Variants in BRD4 observed in about 807,000 individuals in gnomAD.
The protein encoded by BRD4 is bromodomain-containing protein 4.
A neutral mutation model predicts 142.1 loss-of-function variants in BRD4; 16 were observed. That is an observed-to-expected ratio of 0.11 (90% confidence interval 0.08 to 0.17). BRD4 has a LOEUF of 0.17. Among genes scored for constraint, BRD4 ranks in the 10% least tolerant of loss-of-function variants. The pLI is 1.00. For missense variants in BRD4, 1,424 were observed against 1,810.9 expected (o/e 0.79, Z 3.88); for synonymous variants, 833 against 707.5 (o/e 1.18, Z -2.82).
intron 1 of BRD4, among the ~76,000 whole-genome samples, chr19:15,306,206 T>G (rs1346964315): frequency 6.6e-6 from 1 of 152,228 alleles, no homozygotes; most frequent in Non-Finnish European, 1.5e-5. Flanking sequence ...AGAACTCCTT[T>G]GCATTCACAA....
intron 11 of BRD4, chr19:15,253,263 G>T: frequency 2.1e-6 from 1 of 482,752 alleles, no homozygotes; most frequent in Non-Finnish European, 3.7e-6. Flanking sequence ...CAGGCCTTCT[G>T]GGCACCATGG....
intron 1 of BRD4, among the ~76,000 whole-genome samples, chr19:15,312,416 C>T (rs2047979416): frequency 6.6e-6 from 1 of 152,070 alleles, no homozygotes; most frequent in African/African-American, 2.4e-5. Context: ...GGCAGATCAC[C>T]TGAGATCAGG....
chr19:15,270,801 G>C (rs767439231), intron 2 of BRD4, among the ~76,000 whole-genome samples: 1 of 152,124 alleles, frequency 6.6e-6, no homozygotes, highest in East Asian at 1.9e-4. Flanking sequence ...TGATGCTCCT[G>C]ATCAAGCATC....
rs1356982673 is a variant in BRD4, at chr19:15,239,291, T to C, written c.3577-27A>G. ...TGCAGAACAGAGAGGTTGGGGTGGG[T>C]GAGGGGTCTGCTGTGCCTAAAGGGC... On this transcript the variant is annotated intron_variant, in intron 17 of 19. Transcript: ENST00000679869. This position sits in a 1 kb window ranked among gnomAD's most constrained non-coding sequence, Gnocchi z 7.4. 1 of 1,612,582 alleles carries C rather than the reference T, an allele frequency of 6.2e-7. No homozygotes were observed. Among genetic ancestry groups the C allele is most frequent in the Non-Finnish European group, 8.5e-7 (1 of 1,179,396 alleles).
Position 15,238,566 on chromosome 19 carries a change from G to GCTCACCCCGTCCACACAGCACTCAGGGCC in BRD4, c.4020+148_4021-122dup. 1.9e-6 allele frequency: 3 copies of GCTCACCCCGTCCACACAGCACTCAGGGCC among 1,545,346 alleles called. 1 individual carries two copies. The South Asian group carries it at 3.7e-5, about 19-fold the overall frequency. On this transcript the variant is annotated intron_variant, in intron 19 of 19. Coordinates refer to ENST00000679869, the MANE Select transcript of BRD4 (RefSeq NM_001379291.1). This position sits in a 1 kb window ranked among gnomAD's most constrained non-coding sequence, Gnocchi z 7.2. ...CTCCCCGTGGCTGACCCCTCATAGCGCTCACCCCGTCCACACAGCACTCAG... is the reference window on the plus strand; with the variant it reads ...CTCCCCGTGGCTGACCCCTCATAGCGCTCACCCCGTCCACACAGCACTCAGGGCCCTCACCCCGTCCACACAGCACTCAG...
At chr19:15,306,918 G>A (rs1437370926) in intron 1 of BRD4, among the ~76,000 whole-genome samples, 3 of 152,094 alleles carry the variant, frequency 2.0e-5, no homozygotes, top group Non-Finnish European at 2.9e-5. Flanking sequence ...GTGAGCACAC[G>A]CTGTTGGAAA....
At chr19:15,252,828 G>A (rs1319729735) in intron 11 of BRD4, among the ~76,000 whole-genome samples, 4 of 152,152 alleles carry the variant, frequency 2.6e-5, no homozygotes, top group Non-Finnish European at 5.9e-5. Context: ...GGGAAGCAGA[G>A]GGCACCAGGC....
chr19:15,252,912 C>CA (rs1374855097), intron 11 of BRD4: 3 of 180,690 alleles, frequency 1.7e-5, no homozygotes, highest in Middle Eastern at 4.0e-3. Flanking sequence ...ACACACACCT[C>CA]AGAGCAACAT....
chr19:15,303,112 C>T (rs761591223), intron 1 of BRD4, among the ~76,000 whole-genome samples: 2 of 151,810 alleles, frequency 1.3e-5, no homozygotes, highest in Non-Finnish European at 2.9e-5. Context: ...AGCAGCAAGA[C>T]CAACAATCTT....
chr19:15,239,760 ATCT>A lies in BRD4; in HGVS notation c.3341_3343del (p.Lys1114del), dbSNP rs773269235. ...CTCGCTGCGGATGATGGGTGAGTGG[ATCT>A]TCTCCTCCTTCACCACCACGAGGGG... On this transcript the variant is annotated inframe_deletion, in exon 16 of 20. Transcript: ENST00000679869. This position sits in a 1 kb window ranked among gnomAD's most constrained non-coding sequence, Gnocchi z 7.4. The A allele has an allele frequency of 3.1e-6, 5 of 1,610,622 alleles. No individual in the cohort carries two copies. The highest frequency in any genetic ancestry group is 4.2e-6 in the Non-Finnish European group (5 of 1,179,682).
chr19:15,329,390 C>G (rs1044326400), intron 1 of BRD4, among the ~76,000 whole-genome samples: 1 of 152,162 alleles, frequency 6.6e-6, no homozygotes, highest in Non-Finnish European at 1.5e-5. Flanking sequence ...TTGTCAGAAG[C>G]AGATTTAACA....
rs199877994 is a variant in BRD4 at position 15,321,244 on chromosome 19, GGAAA to G, written c.-35+11042_-35+11045del. On this transcript the variant is annotated intron_variant, in intron 1 of 19. Transcript: ENST00000679869. Reference sequence around the variant, plus strand: ...ATCAAGAAAGAATGGGAAAGGGAAAGGAAAGAAAGGAAAGAAAACAAAGAAAAAA... The same window carrying G: ...ATCAAGAAAGAATGGGAAAGGGAAAGGAAAGGAAAGAAAACAAAGAAAAAA... Among the ~76,000 whole-genome samples, 329 of 144,606 alleles carry G rather than the reference GGAAA, an allele frequency of 2.3e-3. 2 individuals are homozygous for G. The highest frequency in any genetic ancestry group is 1.4e-3 in the Non-Finnish European group (89 of 63,900). The allele number at this position is 144,606 out of a possible 152,430, so 94.9% of individuals were successfully genotyped here.
chr19:15,301,865 GAAAAAAAAAAAAAA>G (rs952860124), intron 1 of BRD4, among the ~76,000 whole-genome samples: 1 of 40,476 alleles, frequency 2.5e-5, no homozygotes, highest in Non-Finnish European at 5.2e-5. Context: ...CCGTCTCAAA[GAAAAAAAAAAAAAA>G]AAAAAAAAAA....
Position 15,244,319 on chromosome 19 carries a change from C to A in BRD4, c.2493G>T (p.Pro831=). 6.3e-7 allele frequency: 1 copy of A among 1,598,114 alleles called. No homozygotes were observed. The highest frequency in any genetic ancestry group is 1.1e-5 in the South Asian group (1 of 88,294). ...GHFTQPILHL[P]QPELPPHLPQ... ...GCAGGTGAGGGGGCAGCTCAGGCTG[C>A]GGCAGGTGCAGGATGGGCTGGGTGA... Residue 831 remains proline, a synonymous_variant, in exon 13 of 20, where the codon CCG becomes CCT. Transcript: ENST00000679869.
At position 15,239,666 on chromosome 19, in the gene BRD4, C is replaced by A; in HGVS notation, c.3438G>T (p.Leu1146=). The part of the protein sequence containing the change: ...HPESIKAPVH[L]PQRPEMKPVD... ...GGCAGGGAGAGCACTCACGCTGGGG[C>A]AGGTGGACGGGGGCCTTGATGCTCT... The change falls in exon 16 of 20, where the codon CTG becomes CTT. Residue 1146 remains leucine (L), a synonymous_variant. Coordinates refer to ENST00000679869, the MANE Select transcript of BRD4 (RefSeq NM_001379291.1). This position sits in a 1 kb window ranked among gnomAD's most constrained non-coding sequence, Gnocchi z 7.4. 3.2e-6 allele frequency: 5 copies of A among 1,581,554 alleles called. No homozygotes were observed. Among genetic ancestry groups the A allele is most frequent in the Non-Finnish European group, 4.3e-6 (5 of 1,172,164 alleles).
chr19:15,256,389 G>C, intron 8 of BRD4, 126 bp from the exon 9 acceptor site: 1 of 1,199,462 alleles, frequency 8.3e-7, no homozygotes, highest in Non-Finnish European at 1.2e-6. Context: ...GTGGGCATAG[G>C]GGAGGCAGGG....
In BRD4 at chr19:15,243,425, G is replaced by A. The variant is rs1459633818; in HGVS notation, c.2644C>T (p.Pro882Ser). 2.5e-6 allele frequency: 4 copies of A among 1,576,538 alleles called. No homozygotes were observed. The highest frequency in any genetic ancestry group is 2.3e-5 in the East Asian group (1 of 44,360). Residue 882 changes from proline (P) to serine (S), a missense_variant, in exon 14 of 20, where the codon CCC (proline) becomes TCC (serine). By Grantham distance (74) the Pro-to-Ser change is moderately conservative. Around this residue, in one of 16 missense-constraint regions of BRD4, gnomAD observed 598 missense variants for 647.8 expected, o/e 0.92. Transcript: ENST00000679869. ...ACGGCTGGGGGCCGGGCGGGCTTGG[G>A]AGGCAGGGCAGCGGCTCGGTTGCTG... is the stretch of plus-strand genomic sequence containing the variant. Reference protein sequence around the residue: ...RPSNRAAALPPKPARPPAVSP... With the variant: ...RPSNRAAALPSKPARPPAVSP...
At chr19:15,247,358 T>G (rs970039077) in intron 11 of BRD4, 4 of 231,614 alleles carry the variant, frequency 1.7e-5, no homozygotes, top group African/African-American at 8.9e-5. Flanking sequence ...AAGAAGTGAG[T>G]GGGCACTGTC....
chr19:15,317,327 G>C (rs893849746), intron 1 of BRD4, among the ~76,000 whole-genome samples: 1 of 152,140 alleles, frequency 6.6e-6, no homozygotes, highest in Non-Finnish European at 1.5e-5. Flanking sequence ...CAGGGTCTGG[G>C]GAGGGCAATG....
Sources: gnomAD v4.1 joint callset for allele counts (sites outside exome capture counted in the v4.1 genomes callset) on GRCh38, gnomAD v4.1.1 for gene constraint, gnomAD v4.1.1 regional missense constraint, Gnocchi (gnomAD v3.1) non-coding constraint, MANE v1.5 for transcripts, NCBI Gene and HGNC (gene_info 2026-07-23, HGNC 2026-07-21) for gene names.